NT5DC4: variants seen among roughly 807,000 people sequenced by gnomAD.
NT5DC4 encodes 5'-nucleotidase domain-containing protein 4.
NT5DC4 carries 44 observed loss-of-function variants against 26.6 expected under a neutral mutation model. The ratio of observed to expected loss-of-function variants is 1.65; its 90% CI spans 1.30 to 2.13. The LOEUF (loss-of-function observed/expected upper bound fraction) is 2.13, where lower values mean the gene tolerates loss of function less well. Among genes scored for constraint, NT5DC4 ranks in the 30% most tolerant of loss-of-function variants. The pLI, the probability that NT5DC4 is intolerant of heterozygous loss-of-function variation, is 0.00. For synonymous variants in NT5DC4, 157 were observed against 86.7 expected, an observed-to-expected ratio of 1.81 and a Z score of -4.51; for missense variants, 399 against 228.1, an observed-to-expected ratio of 1.75 and a Z score of -4.83.
rs1005103008 is a variant in NT5DC4, at chr2:112,726,623, C to T, written c.1206-55C>T. 4 of 717,278 alleles carry T rather than the reference C, an allele frequency of 5.6e-6. No homozygotes were observed. The Admixed American group carries it at 8.0e-5, about 14-fold the overall frequency. The allele number at this position is 717,278 out of a possible 1,614,324, so 44.4% of individuals were successfully genotyped here. Reference sequence around the variant, plus strand: ...CCTGCTGGGGTCTAAGGAGACTGTCCTGGCACTCGGAGGCTCTGTGCCTCC... The same window carrying T: ...CCTGCTGGGGTCTAAGGAGACTGTCTTGGCACTCGGAGGCTCTGTGCCTCC... On this transcript the variant is annotated intron_variant, in intron 14 of 16. Coordinates refer to ENST00000688554, the MANE Select transcript of NT5DC4 (RefSeq NM_001393655.1).
intron 11 of NT5DC4, 102 bp from the exon 12 acceptor site, chr2:112,725,072 C>T (rs891855059): frequency 3.0e-6 from 2 of 656,024 alleles, no homozygotes. Context: ...CTCCCACACC[C>T]CCCATGGTTA....
upstream of NT5DC4, among the ~76,000 whole-genome samples, chr2:112,720,142 G>GCAATT: frequency 1.3e-5 from 2 of 150,444 alleles, no homozygotes; most frequent in Middle Eastern, 6.8e-3. Flanking sequence ...CTGGGTTCAA[G>GCAATT]CAATTCTCCT....
intron 3 of NT5DC4, 36 bp from the exon 4 acceptor site, chr2:112,722,147 C>T (rs1207780664): frequency 1.5e-6 from 1 of 675,620 alleles, no homozygotes; most frequent in African/African-American, 2.2e-5. Flanking sequence ...GCCTTGGTAC[C>T]CCCACCCACA....
chr2:112,740,823 G>A, downstream of NT5DC4: 1 of 1,608,384 alleles, frequency 6.2e-7, no homozygotes, highest in Non-Finnish European at 8.5e-7. Context: ...CTTACCTAGG[G>A]ATTGGACCAA....
intron 16 of NT5DC4, among the ~76,000 whole-genome samples, chr2:112,735,826 G>A (rs924981530): frequency 2.0e-5 from 3 of 152,092 alleles, no homozygotes; most frequent in Admixed American, 1.3e-4. Context: ...GAGGCTGATC[G>A]AAACCTCCAA....
chr2:112,729,272 A>C (rs915801118), intron 15 of NT5DC4, among the ~76,000 whole-genome samples: 30 of 152,208 alleles, frequency 2.0e-4, no homozygotes, highest in Non-Finnish European at 1.2e-4. Context: ...ACAGGCATGC[A>C]CTACCATGCC....
chr2:112,734,195 G>GTGTGTT (rs1678805832), intron 16 of NT5DC4, among the ~76,000 whole-genome samples: 15 of 151,510 alleles, frequency 9.9e-5, no homozygotes, highest in African/African-American at 3.7e-4. Context: ...GTGTGTGTGT[G>GTGTGTT]TGTGTGTACA....
In NT5DC4 at chr2:112,726,360, T is replaced by G. The variant is rs917907564; in HGVS notation, c.1205+71T>G. 3.8e-5 allele frequency: 27 copies of G among 713,594 alleles called. 2 individuals are homozygous for G. Among genetic ancestry groups the G allele is most frequent in the Non-Finnish European group, 2.3e-5 (9 of 383,012 alleles). 44.2% of individuals were successfully genotyped at this position (713,594 alleles called of 1,614,324 possible). ...ATGGAGGGGCAGTGGCTCACATCCC[T>G]GCCTGGCGGCGAGGTCCCGGCCAAG... On this transcript the variant is annotated intron_variant, in intron 14 of 16. Transcript: ENST00000688554.
intron 9 of NT5DC4, 58 bp from the exon 10 acceptor site, chr2:112,724,036 G>C: frequency 1.4e-6 from 1 of 716,314 alleles, no homozygotes; most frequent in East Asian, 2.7e-5. Flanking sequence ...TGGTGGGTGA[G>C]GGCAGAGGCA....
intron 16 of NT5DC4, among the ~76,000 whole-genome samples, chr2:112,729,990 A>C (rs1558737993): frequency 6.6e-6 from 1 of 152,162 alleles, no homozygotes; most frequent in East Asian, 1.9e-4. Context: ...TCAGGATGGA[A>C]AAGTAGAAGC....
chr2:112,719,904 T>C (rs201515555), upstream of NT5DC4, among the ~76,000 whole-genome samples: 28,815 of 97,718 alleles, frequency 0.29, 6,395 homozygotes, highest in East Asian at 0.65. Context: ...CTTTCTTTCT[T>C]TTTCTTTCTT....
intron 16 of NT5DC4, chr2:112,738,462 A>C (rs1177847446): frequency 9.3e-6 from 2 of 214,514 alleles, no homozygotes; most frequent in Non-Finnish European, 1.9e-5. Flanking sequence ...GCCCTCTGCT[A>C]AGGTGGATGC....
chr2:112,740,587 C>A (rs72950392), downstream of NT5DC4, among the ~76,000 whole-genome samples: 2,205 of 152,210 alleles, frequency 0.014, 50 homozygotes, highest in African/African-American at 0.051. Context: ...CCAGCTGTGT[C>A]AGGACTTGCA....
intron 1 of NT5DC4, 196 bp downstream of exon 1, chr2:112,721,349 G>C (rs1214885140): frequency 1.2e-5 from 8 of 655,434 alleles, no homozygotes; most frequent in African/African-American, 1.8e-5. Context: ...CACTCCGGCG[G>C]GAGGTCCTCT....
chr2:112,741,941 T>TG (rs1491450890), downstream of NT5DC4, among the ~76,000 whole-genome samples: 14 of 17,210 alleles, frequency 8.1e-4, no homozygotes, highest in Non-Finnish European at 1.2e-3. Flanking sequence ...TTCTTTTCTG[T>TG]TTTTTTTTTT....
At chr2:112,721,445 C>G in intron 1 of NT5DC4, 1 of 717,392 alleles carries the variant, frequency 1.4e-6, no homozygotes, top group Non-Finnish European at 2.6e-6. Context: ...CACATCATCT[C>G]TGAATTTGGA....
At chr2:112,723,550 C>A (rs771533107) in intron 8 of NT5DC4, 82 bp downstream of exon 8, 2 of 703,348 alleles carry the variant, frequency 2.8e-6, no homozygotes, top group African/African-American at 1.8e-5. Context: ...TGGCTTTCTT[C>A]GAGGTTTAGG....
chr2:112,739,173 T>C, downstream of NT5DC4: 2 of 739,320 alleles, frequency 2.7e-6, no homozygotes, highest in Admixed American at 5.7e-5. Flanking sequence ...ACAAGAGATA[T>C]GTCTAGAGCA....
Position 112,722,798 on chromosome 2 carries a change from G to A in NT5DC4, c.527+27G>A, listed in dbSNP as rs574108250. 197 of 717,420 alleles carry A rather than the reference G, an allele frequency of 2.7e-4. No homozygotes were observed. In the South Asian group the frequency reaches 2.9e-3, roughly 11 times the overall value. 44.4% of individuals were successfully genotyped at this position (717,420 alleles called of 1,614,324 possible). On this transcript the variant is annotated intron_variant, in intron 6 of 16. Coordinates refer to ENST00000688554, the MANE Select transcript of NT5DC4 (RefSeq NM_001393655.1). ...TGCGTCTTGTGCCCTGCCCAGCCCT[G>A]GGACGACCAGTAGGACACTGCTCAG...
Sources: gnomAD v4.1 joint callset for allele counts (sites outside exome capture counted in the v4.1 genomes callset) on GRCh38, gnomAD v4.1.1 for gene constraint, MANE v1.5 for transcripts, NCBI Gene and HGNC (gene_info 2026-07-23, HGNC 2026-07-21) for gene names.